Variants in CPED1 observed in about 807,000 individuals in gnomAD.
The protein encoded by CPED1 is cadherin like and PC-esterase domain containing 1.
In CPED1, 114 loss-of-function variants were observed where a neutral mutation model predicts 128.2. The observed-to-expected ratio is 0.89, with a 90% CI of 0.76 to 1.04. CPED1 has a LOEUF of 1.04. Ranked by LOEUF, CPED1 falls within the 50% of genes least tolerant of loss-of-function variation. CPED1 has a pLI of 0.00. For missense variants in CPED1, 1,211 were observed against 1,207.1 expected, an observed-to-expected ratio of 1.00 and a Z score of -0.05; for synonymous variants, 462 against 426.7, an observed-to-expected ratio of 1.08 and a Z score of -1.02.
At chr7:121,105,528 A>G (rs1316664583) in intron 7 of CPED1, among the ~76,000 whole-genome samples, 1 of 152,098 alleles carries the variant, frequency 6.6e-6, no homozygotes, top group Non-Finnish European at 1.5e-5. Flanking sequence ...AATGTGAATA[A>G]AAGTCTTCTC....
At position 121,124,366 on chromosome 7, in the gene CPED1, T is replaced by A. The variant is rs1044026135; in HGVS notation, c.954T>A (p.Ser318Arg). Residue 318 changes from serine to arginine, a missense_variant, in exon 8 of 23, where the codon AGT becomes AGA. Physicochemically the swap from Ser to Arg is moderately radical, Grantham distance 110. Transcript: ENST00000310396. ...TTTTTGAGACATTCCTGAGAGCCAG[T>A]TCACCTCAACAGGCTTTTGACATTA... ...QTFFETFLRA[S>R]SPQQAFDIMK... is the part of the protein sequence containing the mutation. 3 of 1,610,034 alleles carry A rather than the reference T, an allele frequency of 1.9e-6. No individual in the cohort carries two copies. In the Admixed American group the frequency reaches 5.0e-5, roughly 27 times the overall value.
chr7:121,141,992 G>T lies in CPED1; in HGVS notation c.1906G>T (p.Gly636Cys), dbSNP rs1163332846. 1 of 1,611,866 alleles carries T rather than the reference G, an allele frequency of 6.2e-7. No homozygotes were observed. Among genetic ancestry groups the T allele is most frequent in the South Asian group, 1.1e-5 (1 of 90,946 alleles). The change falls in exon 16 of 23, where the codon GGC (glycine) becomes TGC (cysteine). Residue 636 changes from glycine (G) to cysteine (C), a missense_variant. Coordinates refer to ENST00000310396, the MANE Select transcript of CPED1 (RefSeq NM_024913.5). Reference protein sequence around the residue: ...AGPSFASYPLGLGMNKISIFV... With the variant: ...AGPSFASYPLCLGMNKISIFV... ...CTCCAGCTTTGCCAGCTACCCTCTG[G>T]GCTTAGGAATGAACAAAATCTCAAT...
intron 16 of CPED1, among the ~76,000 whole-genome samples, chr7:121,151,718 A>C (rs1796164241): frequency 6.6e-6 from 1 of 152,228 alleles, no homozygotes; most frequent in South Asian, 2.1e-4. Context: ...GAAATTGAAC[A>C]GTATATCATT....
At chr7:121,184,340 A>G (rs760500000) in intron 16 of CPED1, among the ~76,000 whole-genome samples, 10 of 152,262 alleles carry the variant, frequency 6.6e-5, no homozygotes, top group Middle Eastern at 3.4e-3. Flanking sequence ...GTTTTTGTGA[A>G]CAGTTACAAG....
chr7:121,035,442 T>C (rs1792858580), intron 3 of CPED1, among the ~76,000 whole-genome samples: 1 of 152,194 alleles, frequency 6.6e-6, no homozygotes, highest in Admixed American at 6.5e-5. Context: ...TGATGGTGTT[T>C]GAAATTAATA....
chr7:121,233,811 T>C (rs905580010), intron 16 of CPED1, among the ~76,000 whole-genome samples: 2 of 152,048 alleles, frequency 1.3e-5, no homozygotes, highest in Admixed American at 6.6e-5. Context: ...TACGTTTCTA[T>C]AGTGGCTTGA....
chr7:121,178,078 G>A (rs2116489504), intron 16 of CPED1, among the ~76,000 whole-genome samples: 1 of 152,204 alleles, frequency 6.6e-6, no homozygotes, highest in South Asian at 2.1e-4. Flanking sequence ...CTTTTTGTCA[G>A]AAGAACCACA....
chr7:121,216,704 C>T (rs1176996933), intron 16 of CPED1, among the ~76,000 whole-genome samples: 1 of 151,900 alleles, frequency 6.6e-6, no homozygotes, highest in African/African-American at 2.4e-5. Context: ...CCTTATGGTC[C>T]AATCACCTAT....
At chr7:121,264,630 A>G (rs1465263095) in intron 18 of CPED1, among the ~76,000 whole-genome samples, 1 of 152,058 alleles carries the variant, frequency 6.6e-6, no homozygotes, top group Non-Finnish European at 1.5e-5. Context: ...ACCTTTGCAG[A>G]TTCTCGCTAA....
intron 16 of CPED1, among the ~76,000 whole-genome samples, chr7:121,212,729 ACTT>A (rs1270857157): frequency 6.6e-6 from 1 of 152,020 alleles, no homozygotes; most frequent in Non-Finnish European, 1.5e-5. Flanking sequence ...TAAACTGTAA[ACTT>A]CTTTGGAGAA....
chr7:121,134,857 A>G (rs1190463139), intron 13 of CPED1, among the ~76,000 whole-genome samples: 1 of 152,024 alleles, frequency 6.6e-6, no homozygotes. Context: ...TTTAAAAGTT[A>G]TTTTTATAGA....
intron 16 of CPED1, among the ~76,000 whole-genome samples, chr7:121,205,261 A>G (rs144277141): frequency 5.2e-4 from 79 of 152,258 alleles, no homozygotes; most frequent in Middle Eastern, 3.4e-3. Context: ...GAAAAATTAA[A>G]TCTTTTTTAC....
intron 7 of CPED1, among the ~76,000 whole-genome samples, chr7:121,118,596 A>G (rs79094003): frequency 2.6e-5 from 4 of 151,734 alleles, no homozygotes; most frequent in South Asian, 2.1e-4. Context: ...GAAAAAAAAA[A>G]CCATATCTAT....
intron 16 of CPED1, among the ~76,000 whole-genome samples, chr7:121,172,656 GGATACATA>G (rs1478392674): frequency 6.0e-5 from 4 of 66,820 alleles, no homozygotes; most frequent in South Asian, 4.9e-4. Context: ...TTGGATGGAT[GGATACATA>G]GATAGATAGA....
chr7:121,103,033 C>T (rs1292840858), intron 7 of CPED1, among the ~76,000 whole-genome samples: 3 of 152,100 alleles, frequency 2.0e-5, no homozygotes, highest in Non-Finnish European at 4.4e-5. Flanking sequence ...TGCCGCTCCC[C>T]CTACCCTGAT....
chr7:121,067,743 G>C (rs1793879264), intron 5 of CPED1, among the ~76,000 whole-genome samples: 2 of 152,270 alleles, frequency 1.3e-5, no homozygotes, highest in East Asian at 1.9e-4. Flanking sequence ...GTGTAAAAGT[G>C]TTCCTATTTC....
At chr7:121,196,004 C>T (rs148173574) in intron 16 of CPED1, among the ~76,000 whole-genome samples, 157 of 152,034 alleles carry the variant, frequency 1.0e-3, no homozygotes, top group Middle Eastern at 6.8e-3. Flanking sequence ...CCTAGAAGGC[C>T]GGGGGGAGAT....
intron 3 of CPED1, among the ~76,000 whole-genome samples, chr7:121,022,637 T>G (rs2116834125): frequency 6.6e-6 from 1 of 151,824 alleles, no homozygotes; most frequent in East Asian, 1.9e-4. Flanking sequence ...TGCTGAGAGG[T>G]GATAATTGAT....
intron 5 of CPED1, among the ~76,000 whole-genome samples, chr7:121,070,489 G>T (rs1328237857): frequency 6.6e-6 from 1 of 151,938 alleles, no homozygotes; most frequent in African/African-American, 2.4e-5. Flanking sequence ...TCTTTAATAT[G>T]ACTGACTTCA....
Sources: allele counts gnomAD v4.1 joint callset (sites outside exome capture counted in the v4.1 genomes callset), GRCh38; gene constraint gnomAD v4.1.1; transcripts MANE v1.5; gene names NCBI Gene and HGNC (gene_info 2026-07-23, HGNC 2026-07-21).